Variants in GLIS3 observed in about 807,000 individuals in gnomAD.
GLIS3 encodes zinc finger protein GLIS3.
Under a neutral mutation model 78.6 loss-of-function variants are expected in GLIS3, and 53 were observed. The ratio of observed to expected loss-of-function variants is 0.67; its 90% confidence interval spans 0.54 to 0.85. The LOEUF (loss-of-function observed/expected upper bound fraction) is 0.85, where lower values mean the gene tolerates loss of function less well. GLIS3 is among the 40% of genes least tolerant of loss of function. The pLI, the probability that GLIS3 is intolerant of heterozygous loss-of-function variation, is 0.00. For synonymous variants in GLIS3, 684 were observed against 509.9 expected, an observed-to-expected ratio of 1.34 and a Z score of -4.60; for missense variants, 1,703 against 1,231.1, an observed-to-expected ratio of 1.38 and a Z score of -5.74.
intron 9 of GLIS3, among the ~76,000 whole-genome samples, chr9:3,841,037 T>A (rs1426064729): frequency 6.6e-6 from 1 of 152,018 alleles, no homozygotes; most frequent in Non-Finnish European, 1.5e-5. Flanking sequence ...GCAGAGCAGG[T>A]GGCTAAAAGC....
At chr9:4,266,059 C>CA (rs1825976714) in intron 2 of GLIS3, among the ~76,000 whole-genome samples, 1 of 152,100 alleles carries the variant, frequency 6.6e-6, no homozygotes, top group Non-Finnish European at 1.5e-5. Flanking sequence ...GCTGGGACTA[C>CA]AGGCACCCGC....
intron 7 of GLIS3, among the ~76,000 whole-genome samples, chr9:3,894,620 G>A (rs1822693677): frequency 6.6e-6 from 1 of 152,120 alleles, no homozygotes; most frequent in East Asian, 1.9e-4. Context: ...CCAGTAAGGA[G>A]GGTAAAGTGA....
intron 4 of GLIS3, among the ~76,000 whole-genome samples, chr9:3,969,626 G>T (rs1180090952): frequency 6.6e-6 from 1 of 152,196 alleles, no homozygotes; most frequent in African/African-American, 2.4e-5. Context: ...CAAAAGCCCA[G>T]GATAGCTCTT....
At chr9:3,847,341 A>G (rs1191431947) in intron 9 of GLIS3, among the ~76,000 whole-genome samples, 2 of 152,232 alleles carry the variant, frequency 1.3e-5, no homozygotes, top group African/African-American at 4.8e-5. Context: ...TCAGTCTAAG[A>G]AGCCATAAGC....
chr9:4,286,430 A>G lies in GLIS3; in HGVS notation c.-5T>C. The G allele has an allele frequency of 6.2e-7, 1 of 1,613,822 alleles. No homozygotes were observed. Among genetic ancestry groups the G allele is most frequent in the Non-Finnish European group, 8.5e-7 (1 of 1,180,032 alleles). On this transcript the variant is annotated 5_prime_UTR_variant, in exon 2 of 11. Transcript: ENST00000381971. ...GCTGCATGATCTTCCATTCATTCTG[A>G]AAAACCTGTGGCCAAGACGGTCAAA...
At chr9:4,484,614 AC>A in the GLIS3 span, among the ~76,000 whole-genome samples, 43 of 151,604 alleles carry the variant, frequency 2.8e-4, no homozygotes, top group Admixed American at 2.8e-3. Flanking sequence ...GACAGGTTTC[AC>A]CATGTTGGCC....
chr9:4,185,991 TTTTTTA>T (rs1399842492), intron 2 of GLIS3, among the ~76,000 whole-genome samples: 1 of 151,944 alleles, frequency 6.6e-6, no homozygotes, highest in Non-Finnish European at 1.5e-5. Context: ...TTTTCTTCTT[TTTTTTA>T]AATTTTATTT....
At chr9:4,202,793 C>G (rs1819522955) in intron 2 of GLIS3, among the ~76,000 whole-genome samples, 1 of 152,200 alleles carries the variant, frequency 6.6e-6, no homozygotes, top group African/African-American at 2.4e-5. Flanking sequence ...GGGACTCTTT[C>G]TGTTCACCAT....
intron 4 of GLIS3, among the ~76,000 whole-genome samples, chr9:3,998,942 T>C (rs1331253240): frequency 6.6e-6 from 1 of 152,002 alleles, no homozygotes; most frequent in Non-Finnish European, 1.5e-5. Flanking sequence ...CCTGTACTTC[T>C]TTTTGCAAAA....
At chr9:3,861,886 T>C (rs1563787636) in intron 8 of GLIS3, among the ~76,000 whole-genome samples, 3 of 152,206 alleles carry the variant, frequency 2.0e-5, no homozygotes, top group Non-Finnish European at 2.9e-5. Flanking sequence ...CCATGGCACA[T>C]GTTTACTTCT....
chr9:4,298,167 G>A (rs1432396636), intron 1 of GLIS3, among the ~76,000 whole-genome samples: 3 of 152,062 alleles, frequency 2.0e-5, no homozygotes, highest in Non-Finnish European at 4.4e-5. Flanking sequence ...CGGGCGCCGG[G>A]GACCTGCGCG....
At chr9:4,445,702 G>T in the GLIS3 span, among the ~76,000 whole-genome samples, 1 of 152,164 alleles carries the variant, frequency 6.6e-6, no homozygotes, top group African/African-American at 2.4e-5. Flanking sequence ...GAGGACAAGA[G>T]GGACCAAACG....
chr9:4,360,135 G>A, the GLIS3 span, among the ~76,000 whole-genome samples: 2 of 152,150 alleles, frequency 1.3e-5, no homozygotes, highest in South Asian at 4.2e-4. Context: ...CAGGTTTTAT[G>A]CAAACCATGC....
chr9:4,039,093 C>T (rs1442789373), intron 4 of GLIS3, among the ~76,000 whole-genome samples: 1 of 152,142 alleles, frequency 6.6e-6, no homozygotes, highest in African/African-American at 2.4e-5. Flanking sequence ...GGGCACCATA[C>T]GTTGCTATAA....
intron 2 of GLIS3, among the ~76,000 whole-genome samples, chr9:4,185,516 A>T (rs776245024): frequency 3.3e-5 from 5 of 152,214 alleles, no homozygotes; most frequent in Admixed American, 6.5e-5. Flanking sequence ...ATATTTTAAC[A>T]TCCTGAAAAT....
the GLIS3 span, among the ~76,000 whole-genome samples, chr9:4,359,003 A>G: frequency 6.6e-6 from 1 of 152,100 alleles, no homozygotes; most frequent in Non-Finnish European, 1.5e-5. Flanking sequence ...AGCAATCCCA[A>G]CTGGTAGGAC....
chr9:4,226,081 T>C (rs1821743132), intron 2 of GLIS3, among the ~76,000 whole-genome samples: 1 of 152,232 alleles, frequency 6.6e-6, no homozygotes, highest in Admixed American at 6.5e-5. Context: ...AATATTTTCC[T>C]TTAATCAACT....
the GLIS3 span, among the ~76,000 whole-genome samples, chr9:4,414,872 T>C: frequency 6.6e-6 from 1 of 152,108 alleles, no homozygotes; most frequent in Non-Finnish European, 1.5e-5. Flanking sequence ...GTTAGGTCAG[T>C]TTAGCTAAAA....
At chr9:4,377,550 T>C in the GLIS3 span, among the ~76,000 whole-genome samples, 2 of 87,714 alleles carry the variant, frequency 2.3e-5, 1 homozygote, top group South Asian at 1.0e-3. Context: ...TTCCCTTTCA[T>C]ATATACATAT....
Sources: gnomAD v4.1 joint callset for allele counts (sites outside exome capture counted in the v4.1 genomes callset) on GRCh38, gnomAD v4.1.1 for gene constraint, MANE v1.5 for transcripts, NCBI Gene and HGNC (gene_info 2026-07-23, HGNC 2026-07-21) for gene names.